Variants in NDUFA10 observed in about 807,000 individuals in gnomAD.
NDUFA10 encodes the protein NADH dehydrogenase [ubiquinone] 1 alpha subcomplex subunit 10, mitochondrial.
Under a neutral mutation model 47.8 loss-of-function variants are expected in NDUFA10, and 40 were observed. The observed-to-expected ratio is 0.84, with a 90% CI of 0.65 to 1.09. NDUFA10 has a LOEUF of 1.09. NDUFA10 is among the 50% of genes least tolerant of loss of function. NDUFA10 has a pLI of 0.00. For missense variants in NDUFA10, 413 were observed against 451.1 expected, an observed-to-expected ratio of 0.92 and a Z score of 0.76; for synonymous variants, 183 against 172.2, an observed-to-expected ratio of 1.06 and a Z score of -0.49.
At chr2:239,992,502 C>CTG (rs546269833) in intron 8 of NDUFA10, among the ~76,000 whole-genome samples, 39 of 152,284 alleles carry the variant, frequency 2.6e-4, no homozygotes, top group South Asian at 1.0e-3. Context: ...CACTGTACTT[C>CTG]TGAAACCAAA....
intron 5 of NDUFA10, chr2:240,014,289 TG>T (rs1306308218): frequency 3.6e-6 from 1 of 275,934 alleles, no homozygotes; most frequent in East Asian, 9.0e-5. Context: ...GTTCTAGAAT[TG>T]GTAAGTAAGA....
At chr2:239,895,458 A>G in intron 4 of NDUFA10, 1 of 195,480 alleles carries the variant, frequency 5.1e-6, no homozygotes, top group South Asian at 7.4e-5. Flanking sequence ...GTTAGGGGAG[A>G]AACTATAAAA....
chr2:240,018,953 G>A (rs1053776927), intron 3 of NDUFA10, among the ~76,000 whole-genome samples: 4 of 149,962 alleles, frequency 2.7e-5, no homozygotes, highest in African/African-American at 9.9e-5. Context: ...TCCTGCTCCT[G>A]CCCCCACCAT....
In NDUFA10 at chr2:239,901,861, G is replaced by A. The variant is rs1228037970; in HGVS notation, c.295-6547C>T. Among the ~76,000 whole-genome samples, 5 of 152,028 alleles carry A rather than the reference G, an allele frequency of 3.3e-5. No individual in the cohort carries two copies. In the East Asian group the frequency reaches 5.8e-4, roughly 18 times the overall value. On this transcript the variant is annotated intron_variant, in intron 4 of 5. Transcript: ENST00000419408. ...ACTTAAGGGGTTCAAGACTTCAGTG[G>A]AGGAAGCAACTGCAGATGTAGTGGA...
At chr2:239,997,696 A>G (rs916020178) in intron 8 of NDUFA10, among the ~76,000 whole-genome samples, 10 of 152,256 alleles carry the variant, frequency 6.6e-5, no homozygotes, top group African/African-American at 2.4e-4. Flanking sequence ...ATCTATTTTA[A>G]AGAAACAGTA....
At chr2:239,952,205 G>A (rs1443285777) in intron 4 of NDUFA10, among the ~76,000 whole-genome samples, 1 of 151,588 alleles carries the variant, frequency 6.6e-6, no homozygotes, top group Non-Finnish European at 1.5e-5. Context: ...GGAGAGGAAA[G>A]GCTGCATGAA....
chr2:239,954,714 T>G (rs1694618617), downstream of NDUFA10, among the ~76,000 whole-genome samples: 1 of 152,254 alleles, frequency 6.6e-6, no homozygotes, highest in Admixed American at 6.5e-5. Context: ...TCAAGTCATT[T>G]CTGACCAGCT....
In NDUFA10 at chr2:239,960,022, T is replaced by G. The variant is rs1274972095; in HGVS notation, c.*1096A>C. The G allele has an allele frequency of 1.0e-6, 1 of 984,710 alleles. No individual in the cohort carries two copies. The highest frequency in any genetic ancestry group is 1.7e-5 in the African/African-American group (1 of 57,248). The allele number at this position is 984,710 out of a possible 1,614,324, so 61.0% of individuals were successfully genotyped here. Reference sequence around the variant, plus strand: ...TGTGGAGTGCCTGAACTATGGCCAGTGCAACCAAGGAACCCAATTTTAAAC... The same window carrying G: ...TGTGGAGTGCCTGAACTATGGCCAGGGCAACCAAGGAACCCAATTTTAAAC... On this transcript the variant is annotated 3_prime_UTR_variant, in exon 10 of 10. Transcript: ENST00000252711.
chr2:240,017,959 C>T lies in NDUFA10; in HGVS notation c.547+594G>A, dbSNP rs1038193784. ...TGTCCACCAGGCCTATTCAACCCAC[C>T]GCCCAACACAGTCCTAGTCACAGAC... On this transcript the variant is annotated intron_variant, in intron 4 of 9. Transcript: ENST00000252711. The T allele has an allele frequency of 4.9e-6, 7 of 1,431,288 alleles. No individual in the cohort carries two copies. The South Asian group carries it at 4.9e-5, about 10-fold the overall frequency. The allele number at this position is 1,431,288 out of a possible 1,614,324, so 88.7% of individuals were successfully genotyped here. A position where few individuals can be genotyped will look rare whatever the true frequency, so the allele number is the denominator to read the frequency against.
Position 239,917,524 on chromosome 2 carries a change from C to T in NDUFA10, c.295-22210G>A, listed in dbSNP as rs1693898101. On this transcript the variant is annotated intron_variant, in intron 4 of 5. Coordinates refer to the NDUFA10 transcript ENST00000419408. ...CTGAGATCCAGCCACCTGGACACCA[C>T]AGTGAAGGTCATGGAATAAGCCATG... Among the ~76,000 whole-genome samples, 3 of 152,198 alleles carry T rather than the reference C, an allele frequency of 2.0e-5. No homozygotes were observed. In the South Asian group the frequency reaches 6.2e-4, roughly 32 times the overall value.
chr2:239,912,012 C>T (rs1574772650), intron 4 of NDUFA10, among the ~76,000 whole-genome samples: 3 of 152,290 alleles, frequency 2.0e-5, no homozygotes, highest in African/African-American at 7.2e-5. Context: ...GCACCAGCTG[C>T]ATGTTGCCCC....
rs2106443191 is a variant in NDUFA10, at chr2:239,990,089, T to A, written c.984A>T (p.Leu328Phe). The A allele has an allele frequency of 6.2e-7, 1 of 1,610,848 alleles. No homozygotes were observed. Among genetic ancestry groups the A allele is most frequent in the South Asian group, 1.1e-5 (1 of 91,020 alleles). Residue 328 changes from leucine (L) to phenylalanine (F), a missense_variant, in exon 9 of 10, where the codon TTA becomes TTT. Coordinates refer to ENST00000252711, the MANE Select transcript of NDUFA10 (RefSeq NM_004544.4). ...TIGAHQTDRVLHQFRELPGRK... is the reference protein window; with the variant it reads ...TIGAHQTDRVFHQFRELPGRK... ...ACAGTCTTACCTCTCTGAACTGATG[T>A]AAGACACGGTCAGTCTGATGAGCTC...
chr2:239,981,830 G>C (rs574162258), intron 9 of NDUFA10, among the ~76,000 whole-genome samples: 1 of 151,642 alleles, frequency 6.6e-6, no homozygotes, highest in Non-Finnish European at 1.5e-5. Context: ...ATTATTTTTA[G>C]AAAATTAATT....
At chr2:239,990,461 T>C (rs960292376) in intron 8 of NDUFA10, among the ~76,000 whole-genome samples, 2 of 152,184 alleles carry the variant, frequency 1.3e-5, no homozygotes, top group African/African-American at 2.4e-5. Flanking sequence ...GGATGCTGTT[T>C]TGGAGACATA....
intron 8 of NDUFA10, among the ~76,000 whole-genome samples, chr2:240,000,079 G>A (rs1203222443): frequency 2.0e-5 from 3 of 152,188 alleles, no homozygotes; most frequent in African/African-American, 7.2e-5. Flanking sequence ...ATACAATTAT[G>A]TACAGTACAG....
chr2:240,001,045 G>A (rs551521072), intron 8 of NDUFA10, among the ~76,000 whole-genome samples: 11 of 152,332 alleles, frequency 7.2e-5, no homozygotes, highest in African/African-American at 2.2e-4. Context: ...ACATCACTCG[G>A]AAGGTCAGCT....
chr2:239,921,434 C>T (rs1693980937), intron 4 of NDUFA10, among the ~76,000 whole-genome samples: 4 of 152,172 alleles, frequency 2.6e-5, no homozygotes. Context: ...TTATTTGTCC[C>T]TGCCCATGTT....
intron 9 of NDUFA10, among the ~76,000 whole-genome samples, chr2:239,964,760 G>A (rs917511378): frequency 3.9e-5 from 6 of 152,148 alleles, no homozygotes; most frequent in Admixed American, 2.6e-4. Context: ...GCCAGGAAAC[G>A]GTAACGCTGT....
At position 240,014,841 on chromosome 2, in the gene NDUFA10, C is replaced by G. The variant is rs1697279552; in HGVS notation, c.567G>C (p.Glu189Asp). ...IRKQCVDHYN[E>D]VKSVTICDYL... Reference sequence around the variant, plus strand: ...AATCGCAGATGGTGACGCTCTTCACCTCGTTGTAGTGGTCCACACCTGGCA... The same window carrying G: ...AATCGCAGATGGTGACGCTCTTCACGTCGTTGTAGTGGTCCACACCTGGCA... The change falls in exon 5 of 10, where the codon GAG (glutamate) becomes GAC (aspartate). Residue 189 changes from glutamate to aspartate, a missense_variant. Glu to Asp is a conservative substitution (Grantham distance 45). Coordinates refer to ENST00000252711, the MANE Select transcript of NDUFA10 (RefSeq NM_004544.4). 1 of 1,614,122 alleles carries G rather than the reference C, an allele frequency of 6.2e-7. No individual in the cohort carries two copies. Among genetic ancestry groups the G allele is most frequent in the Admixed American group, 1.7e-5 (1 of 60,026 alleles).
Sources: allele counts gnomAD v4.1 joint callset (sites outside exome capture counted in the v4.1 genomes callset), GRCh38; gene constraint gnomAD v4.1.1; transcripts MANE v1.5; gene names NCBI Gene and HGNC (gene_info 2026-07-23, HGNC 2026-07-21).